The following SLIT3 variants were observed in gnomAD, a reference collection of about 807,000 sequenced individuals.
SLIT3 encodes slit homolog 3 protein.
SLIT3 carries 68 observed loss-of-function variants against 184.0 expected under a neutral mutation model. That is an observed-to-expected ratio of 0.37 (90% CI 0.30 to 0.45). The LOEUF (loss-of-function observed/expected upper bound fraction) is 0.45. Among genes scored for constraint, SLIT3 ranks in the 20% least tolerant of loss-of-function variants. The pLI, the probability that SLIT3 is intolerant of heterozygous loss-of-function variation, is 1.00. For missense variants in SLIT3, 1,707 were observed against 2,026.0 expected, an observed-to-expected ratio of 0.84 and a Z score of 3.02; for synonymous variants, 831 against 828.6, an observed-to-expected ratio of 1.00 and a Z score of -0.05.
rs1309657568 is a variant in SLIT3 at position 168,808,993 on chromosome 5, C to T, written c.794-2406G>A. ...TCAGGAATGGGAGTCTGAACTCTTG[C>T]ATTTTCCATCTGTTCAGGTGGAGGG... On this transcript the variant is annotated intron_variant, in intron 8 of 35. Transcript: ENST00000519560. 5.3e-5 allele frequency among the ~76,000 whole-genome samples: 8 copies of T among 152,304 alleles called. No individual in the cohort carries two copies. In the East Asian group the frequency reaches 1.5e-3, roughly 29 times the overall value.
intron 4 of SLIT3, among the ~76,000 whole-genome samples, chr5:169,046,878 G>A (rs1288886870): frequency 1.1e-4 from 16 of 152,270 alleles, no homozygotes; most frequent in Non-Finnish European, 2.4e-4. Flanking sequence ...CTCCAGGCCT[G>A]TGCCCCTACT....
At chr5:168,974,142 T>G (rs2113333925) in intron 4 of SLIT3, among the ~76,000 whole-genome samples, 1 of 152,312 alleles carries the variant, frequency 6.6e-6, no homozygotes, top group South Asian at 2.1e-4. Flanking sequence ...AAAAATTATA[T>G]CCAGAGAGGT....
chr5:168,852,544 C>T (rs1344744538), intron 5 of SLIT3, among the ~76,000 whole-genome samples: 1 of 152,242 alleles, frequency 6.6e-6, no homozygotes, highest in African/African-American at 2.4e-5. Flanking sequence ...CACAAATCGG[C>T]ACATCCTGGG....
chr5:168,955,559 A>G (rs560671760), intron 4 of SLIT3, among the ~76,000 whole-genome samples: 1 of 152,148 alleles, frequency 6.6e-6, no homozygotes, highest in East Asian at 1.9e-4. Context: ...ATGAGCTCAA[A>G]CCCCATGGCC....
intron 4 of SLIT3, among the ~76,000 whole-genome samples, chr5:169,035,956 C>T (rs538314360): frequency 1.4e-4 from 22 of 152,240 alleles, no homozygotes; most frequent in African/African-American, 5.1e-4. Context: ...TTTCCCCATC[C>T]CTAATTTTAC....
At chr5:168,915,225 T>C (rs978963312) in intron 4 of SLIT3, among the ~76,000 whole-genome samples, 2 of 152,162 alleles carry the variant, frequency 1.3e-5, no homozygotes, top group East Asian at 1.9e-4. Flanking sequence ...TTAAACGAAG[T>C]GTGGAAAAAT....
intron 3 of SLIT3, among the ~76,000 whole-genome samples, chr5:169,240,579 C>CTTTTTTTTTTTTTTTTT (rs67955225): frequency 8.7e-6 from 1 of 114,354 alleles, no homozygotes; most frequent in Non-Finnish European, 1.8e-5. Flanking sequence ...CTATCATTTT[C>CTTTTTTTTTTTTTTTTT]TTTTTTTTTT....
At chr5:168,708,820 A>G (rs1397836813) in intron 25 of SLIT3, among the ~76,000 whole-genome samples, 1 of 152,186 alleles carries the variant, frequency 6.6e-6, no homozygotes, top group East Asian at 1.9e-4. Flanking sequence ...AGGACTATAA[A>G]TGACCTTGGG....
intron 4 of SLIT3, among the ~76,000 whole-genome samples, chr5:169,096,693 T>A (rs1759798828): frequency 6.6e-6 from 1 of 152,220 alleles, no homozygotes; most frequent in South Asian, 2.1e-4. Flanking sequence ...CAATGGCTAC[T>A]GATATATATT....
chr5:169,021,032 C>T (rs1756578345), intron 4 of SLIT3, among the ~76,000 whole-genome samples: 1 of 152,170 alleles, frequency 6.6e-6, no homozygotes. Context: ...GTGTGACAGA[C>T]CTGGCTTTCA....
rs747473880 is a variant in SLIT3, at chr5:169,244,704, C to T, written c.341+1G>A. On this transcript the variant is annotated splice_donor_variant, in intron 3 of 35. Coordinates refer to ENST00000519560, the MANE Select transcript of SLIT3 (RefSeq NM_003062.4). LOFTEE classifies it high-confidence loss of function. ...AAGAAAGGAGGCTGTACTGTACTTA[C>T]AGTCGCTCTAGCTGCTTCAGGTCCT... is the stretch of plus-strand genomic sequence containing the variant. 6.2e-7 allele frequency: 1 copy of T among 1,612,786 alleles called. No individual in the cohort carries two copies. The highest frequency in any genetic ancestry group is 1.1e-5 in the South Asian group (1 of 91,048).
intron 1 of SLIT3, among the ~76,000 whole-genome samples, chr5:169,298,011 G>A (rs926488894): frequency 1.3e-5 from 2 of 152,212 alleles, no homozygotes; most frequent in African/African-American, 4.8e-5. Context: ...TTTCAGAATT[G>A]AAATGTTACA....
chr5:168,862,241 A>T (rs781636946), intron 5 of SLIT3, among the ~76,000 whole-genome samples: 25 of 152,174 alleles, frequency 1.6e-4, no homozygotes, highest in Non-Finnish European at 2.9e-4. Context: ...GGGATAAAAG[A>T]CTACACACTG....
intron 4 of SLIT3, among the ~76,000 whole-genome samples, chr5:169,089,107 T>C (rs1375684149): frequency 7.1e-6 from 1 of 140,594 alleles, no homozygotes; most frequent in Non-Finnish European, 1.5e-5. Context: ...CTGTGTTTCA[T>C]ACCGATGTGC....
intron 20 of SLIT3, among the ~76,000 whole-genome samples, chr5:168,734,585 G>A (rs1397333869): frequency 6.6e-6 from 1 of 152,194 alleles, no homozygotes; most frequent in Non-Finnish European, 1.5e-5. Flanking sequence ...AATGTTCCAT[G>A]TGCTGGTGAA....
At chr5:168,755,276 C>T (rs566977276) in intron 16 of SLIT3, among the ~76,000 whole-genome samples, 22 of 152,224 alleles carry the variant, frequency 1.4e-4, no homozygotes, top group African/African-American at 5.1e-4. Context: ...CCTCTTCTTT[C>T]ATAAGTGAGT....
intron 4 of SLIT3, among the ~76,000 whole-genome samples, chr5:169,006,653 G>A (rs748510431): frequency 6.8e-6 from 1 of 146,652 alleles, no homozygotes; most frequent in Non-Finnish European, 1.5e-5. Flanking sequence ...ACAAAGAGCT[G>A]ACAACAACCT....
chr5:168,823,822 G>A (rs770491012), intron 6 of SLIT3, among the ~76,000 whole-genome samples: 1 of 152,188 alleles, frequency 6.6e-6, no homozygotes, highest in Non-Finnish European at 1.5e-5. Flanking sequence ...CTGGAGGTGG[G>A]ATCTGAGTCC....
rs147935187 is a variant in SLIT3 at position 169,142,429 on chromosome 5, G to C, written c.413+51050C>G. On this transcript the variant is annotated intron_variant, in intron 4 of 35. Transcript: ENST00000519560. ...GCTGACTCCATAATCAGCTTCTCTCGTCTTCCTTCAGGCCCACAAATCACT... is the reference window on the plus strand; with the variant it reads ...GCTGACTCCATAATCAGCTTCTCTCCTCTTCCTTCAGGCCCACAAATCACT... Among the ~76,000 whole-genome samples, 144 of 152,246 alleles carry C rather than the reference G, an allele frequency of 9.5e-4. 5 individuals carry two copies. The highest frequency in any genetic ancestry group is 3.4e-3 in the African/African-American group (140 of 41,530).
Sources: allele counts gnomAD v4.1 joint callset (sites outside exome capture counted in the v4.1 genomes callset), GRCh38; gene constraint gnomAD v4.1.1; transcripts MANE v1.5; gene names NCBI Gene and HGNC (gene_info 2026-07-23, HGNC 2026-07-21).